SV2C: variants seen among roughly 807,000 people sequenced by gnomAD.
The protein encoded by SV2C is solute carrier family 22 member B3.
SV2C carries 49 observed loss-of-function variants against 79.7 expected under a neutral mutation model. That is an observed-to-expected ratio of 0.61 (90% CI 0.49 to 0.78). The LOEUF (loss-of-function observed/expected upper bound fraction) is 0.78, where lower values mean the gene tolerates loss of function less well. SV2C is among the 30% of genes least tolerant of loss of function. The pLI, the probability that SV2C is intolerant of heterozygous loss-of-function variation, is 0.00. For synonymous variants in SV2C, 334 were observed against 333.2 expected, an observed-to-expected ratio of 1.00 and a Z score of -0.03; for missense variants, 833 against 912.9, an observed-to-expected ratio of 0.91 and a Z score of 1.13.
chr5:76,049,012 A>AAAGAAAGAAAGAG, the SV2C span, among the ~76,000 whole-genome samples: 1 of 109,456 alleles, frequency 9.1e-6, no homozygotes, highest in Non-Finnish European at 2.0e-5. Flanking sequence ...AGAAAGAAAG[A>AAAGAAAGAAAGAG]AAGAAAGAAA....
chr5:76,336,126 C>G (rs1187152341), downstream of SV2C, among the ~76,000 whole-genome samples: 2 of 119,160 alleles, frequency 1.7e-5, no homozygotes, highest in Non-Finnish European at 4.0e-5. Flanking sequence ...CCCTCCCGGA[C>G]GGGGCGGCTG....
the SV2C span, among the ~76,000 whole-genome samples, chr5:76,030,266 G>GTTTTTT: frequency 1.8e-3 from 58 of 31,956 alleles, 2 homozygotes; most frequent in East Asian, 2.8e-3. Flanking sequence ...TCAGAGGCTT[G>GTTTTTT]TTTTTTTTTT....
At chr5:75,982,664 G>A in the SV2C span, among the ~76,000 whole-genome samples, 1 of 152,156 alleles carries the variant, frequency 6.6e-6, no homozygotes, top group Non-Finnish European at 1.5e-5. Context: ...ACATGCACAT[G>A]TATGTTTATT....
At chr5:76,020,825 C>T in the SV2C span, among the ~76,000 whole-genome samples, 1 of 152,148 alleles carries the variant, frequency 6.6e-6, no homozygotes, top group South Asian at 2.1e-4. Context: ...TTTTTCCACC[C>T]TCTCTCTTTC....
intron 4 of SV2C, among the ~76,000 whole-genome samples, chr5:76,279,995 CA>C (rs1454897324): frequency 1.3e-5 from 2 of 152,056 alleles, no homozygotes; most frequent in East Asian, 1.9e-4. Context: ...GGAGATGGAA[CA>C]GGGGCAGGTG....
At chr5:76,148,505 A>T (rs1481792053) in intron 2 of SV2C, among the ~76,000 whole-genome samples, 1 of 152,096 alleles carries the variant, frequency 6.6e-6, no homozygotes, top group East Asian at 1.9e-4. Context: ...GCTGGAGTAC[A>T]GTGATGCAGT....
At chr5:76,309,775 G>A (rs1367590632) in intron 12 of SV2C, among the ~76,000 whole-genome samples, 5 of 152,106 alleles carry the variant, frequency 3.3e-5, no homozygotes, top group Non-Finnish European at 1.5e-5. Context: ...GATGATTCCA[G>A]TTTCTGCGTG....
the SV2C span, among the ~76,000 whole-genome samples, chr5:75,885,349 T>A: frequency 6.6e-6 from 1 of 152,250 alleles, no homozygotes; most frequent in Non-Finnish European, 1.5e-5. Context: ...AGAGACAGTA[T>A]CTGCCTCCAA....
At position 76,123,243 on chromosome 5, in the gene SV2C, C is replaced by T. The variant is rs192527015; in HGVS notation, c.-101-8407C>T. On this transcript the variant is annotated intron_variant, in intron 1 of 12. Transcript: ENST00000502798. ...AATTGTGGCAATAATCAATAGCTTA[C>T]CAACCAAAAAGAGTCCAGGACCAGA... Among the ~76,000 whole-genome samples, 108 of 152,246 alleles carry T rather than the reference C, an allele frequency of 7.1e-4. No individual in the cohort carries two copies. In the East Asian group the frequency reaches 8.3e-3, roughly 12 times the overall value.
At chr5:76,023,970 A>G in the SV2C span, among the ~76,000 whole-genome samples, 1 of 151,690 alleles carries the variant, frequency 6.6e-6, no homozygotes, top group South Asian at 2.1e-4. Flanking sequence ...AACAATAAAA[A>G]ATGTCTTCAA....
the SV2C span, among the ~76,000 whole-genome samples, chr5:76,012,867 T>C: frequency 1.3e-5 from 2 of 152,188 alleles, no homozygotes; most frequent in African/African-American, 4.8e-5. Context: ...AGGGAATCAT[T>C]TCCCCATTGC....
Position 76,277,635 on chromosome 5 carries a change from G to A in SV2C, c.914-7527G>A, listed in dbSNP as rs368861971. On this transcript the variant is annotated intron_variant, in intron 4 of 12. Transcript: ENST00000502798. ...CAAAAAGTTAGCCGGGCATGGTGGC[G>A]CTTGCCCGTGGTCCCAGCCATTTGG... 2.0e-4 allele frequency among the ~76,000 whole-genome samples: 30 copies of A among 152,118 alleles called. No individual in the cohort carries two copies. The South Asian group carries it at 5.6e-3, about 28-fold the overall frequency.
intron 1 of SV2C, among the ~76,000 whole-genome samples, chr5:76,104,006 G>A (rs1747824068): frequency 6.6e-6 from 1 of 152,126 alleles, no homozygotes; most frequent in Non-Finnish European, 1.5e-5. Context: ...TGTATAAAAA[G>A]TATATACATC....
chr5:75,961,492 C>T, the SV2C span, among the ~76,000 whole-genome samples: 4 of 151,492 alleles, frequency 2.6e-5, no homozygotes, highest in East Asian at 3.9e-4. Flanking sequence ...TAATGTATTT[C>T]AGAAAAATAA....
chr5:75,951,859 A>G, the SV2C span, among the ~76,000 whole-genome samples: 3 of 152,018 alleles, frequency 2.0e-5, no homozygotes, highest in South Asian at 2.1e-4. Context: ...TGTGGACTCA[A>G]AGAAAACCTT....
the SV2C span, among the ~76,000 whole-genome samples, chr5:76,037,110 A>C: frequency 6.0e-3 from 908 of 152,182 alleles, 10 homozygotes; most frequent in African/African-American, 0.021. Flanking sequence ...TCCTTTAAGC[A>C]CTTCTCTGTA....
chr5:76,234,184 A>G (rs1159625554), intron 4 of SV2C, among the ~76,000 whole-genome samples: 1 of 152,232 alleles, frequency 6.6e-6, no homozygotes, highest in Non-Finnish European at 1.5e-5. Flanking sequence ...TGAAGGAACT[A>G]GTAATTCAGA....
the SV2C span, chr5:75,910,249 C>T: frequency 6.3e-4 from 280 of 445,872 alleles, 5 homozygotes; most frequent in South Asian, 4.7e-3. Flanking sequence ...GGCAACATGG[C>T]GAAACCTCAT....
At chr5:76,122,382 C>T (rs1193438754) in intron 1 of SV2C, among the ~76,000 whole-genome samples, 11 of 151,442 alleles carry the variant, frequency 7.3e-5, no homozygotes, top group Admixed American at 6.6e-4. Context: ...TGCCTAATTG[C>T]CCTGGCCAGA....
Sources: allele counts gnomAD v4.1 joint callset (sites outside exome capture counted in the v4.1 genomes callset), GRCh38; gene constraint gnomAD v4.1.1; transcripts MANE v1.5; gene names NCBI Gene and HGNC (gene_info 2026-07-23, HGNC 2026-07-21).